PLXDC1: variants seen among roughly 807,000 people sequenced by gnomAD.
PLXDC1 encodes the protein plexin domain containing 1, also known as plexin domain-containing protein 1.
In PLXDC1, 39 loss-of-function variants were observed where a neutral mutation model predicts 61.3. The ratio of observed to expected loss-of-function variants is 0.64; its 90% CI spans 0.49 to 0.83. The LOEUF is 0.83. Ranked by LOEUF, PLXDC1 falls within the 40% of genes least tolerant of loss-of-function variation. The pLI is 0.00. For synonymous variants in PLXDC1, 212 were observed against 254.5 expected, an observed-to-expected ratio of 0.83 and a Z score of 1.59; for missense variants, 596 against 666.5, an observed-to-expected ratio of 0.89 and a Z score of 1.17.
At chr17:39,147,177 C>T (rs2045347877) in intron 1 of PLXDC1, among the ~76,000 whole-genome samples, 2 of 152,056 alleles carry the variant, frequency 1.3e-5, no homozygotes, top group Non-Finnish European at 2.9e-5. Context: ...AGGCTGGTCT[C>T]GAACTCCTGA....
chr17:39,074,027 G>T (rs1909227525), intron 11 of PLXDC1, among the ~76,000 whole-genome samples: 1 of 152,048 alleles, frequency 6.6e-6, no homozygotes, highest in Admixed American at 6.5e-5. Context: ...CTGGAGTGCT[G>T]GGTCCCTTCA....
chr17:39,083,411 C>G (rs770689400), intron 9 of PLXDC1, 48 bp downstream of exon 9: 4 of 1,482,566 alleles, frequency 2.7e-6, no homozygotes, highest in Middle Eastern at 1.8e-4. Flanking sequence ...ACCCTCTTCC[C>G]CTCCACAGTC....
chr17:39,091,000 G>A (rs1218847160), intron 7 of PLXDC1, among the ~76,000 whole-genome samples: 1 of 152,194 alleles, frequency 6.6e-6, no homozygotes, highest in East Asian at 1.9e-4. Context: ...CCGCGGTACT[G>A]TGCTGGCACT....
rs1212595509 is a variant in PLXDC1 at position 39,066,650 on chromosome 17, A to T, written c.*1190T>A. On this transcript the variant is annotated 3_prime_UTR_variant, in exon 14 of 14. Coordinates refer to ENST00000315392, the MANE Select transcript of PLXDC1 (RefSeq NM_020405.5). The stretch of plus-strand genomic sequence containing the variant: ...ACCCAGGCTGGAGTGCAGTGGCACT[A>T]TCTGAGCTCACTGCAACCTCTGCCT... 1 of 151,878 alleles carries T rather than the reference A, an allele frequency of 6.6e-6. No homozygotes were observed. The highest frequency in any genetic ancestry group is 1.5e-5 in the Non-Finnish European group (1 of 68,064). 9.4% of individuals were successfully genotyped at this position (151,878 alleles called of 1,614,324 possible). A position where few individuals can be genotyped will look rare whatever the true frequency, so the allele number is the denominator to read the frequency against.
At chr17:39,096,935 C>G (rs932964755) in intron 7 of PLXDC1, 3 of 471,214 alleles carry the variant, frequency 6.4e-6, no homozygotes, top group Non-Finnish European at 1.3e-5. Context: ...CATGACTTTT[C>G]TTTTCACCAA....
At chr17:39,108,293 G>T in intron 4 of PLXDC1, 48 bp from the exon 5 acceptor site, 1 of 1,605,974 alleles carries the variant, frequency 6.2e-7, no homozygotes, top group Non-Finnish European at 8.5e-7. Context: ...GCCCAGAGGG[G>T]CCGCTTTGGG....
At chr17:39,146,141 G>A (rs1377343937) in intron 1 of PLXDC1, among the ~76,000 whole-genome samples, 1 of 147,654 alleles carries the variant, frequency 6.8e-6, no homozygotes, top group African/African-American at 2.6e-5. Flanking sequence ...TGTGATCTCA[G>A]CTCCCTGCAA....
chr17:39,096,942 C>T (rs1379894669), intron 7 of PLXDC1: 1 of 471,196 alleles, frequency 2.1e-6, no homozygotes, highest in African/African-American at 2.0e-5. Flanking sequence ...TTTCTTTTCA[C>T]CAAAGATGCT....
chr17:39,128,881 G>C (rs899756204), intron 2 of PLXDC1, among the ~76,000 whole-genome samples: 31 of 151,670 alleles, frequency 2.0e-4, no homozygotes, highest in Non-Finnish European at 1.8e-4. Flanking sequence ...GTGGTGGCAC[G>C]CGCCTGTAGT....
In PLXDC1 at chr17:39,063,834, G is replaced by A. The variant is rs1476694575; in HGVS notation, c.*4006C>T. 4 of 285,542 alleles carry A rather than the reference G, an allele frequency of 1.4e-5. No homozygotes were observed. Among genetic ancestry groups the A allele is most frequent in the Non-Finnish European group, 2.7e-5 (4 of 149,972 alleles). The allele number at this position is 285,542 out of a possible 1,614,324, so 17.7% of individuals were successfully genotyped here. On this transcript the variant is annotated 3_prime_UTR_variant, in exon 14 of 14. Coordinates refer to ENST00000315392, the MANE Select transcript of PLXDC1 (RefSeq NM_020405.5). ...GTAGGTTTGCTTGGCCAGGGAGTCT[G>A]AGTGCAGCCCCTGATCAGTGCTTCA...
At chr17:39,129,741 G>GAAA (rs1168985590) in intron 2 of PLXDC1, among the ~76,000 whole-genome samples, 172 of 39,466 alleles carry the variant, frequency 4.4e-3, no homozygotes, top group African/African-American at 0.015. Flanking sequence ...AAGAAAGAAA[G>GAAA]GAAAGAAAAG....
At chr17:39,118,347 G>A (rs1159006040) in intron 2 of PLXDC1, among the ~76,000 whole-genome samples, 1 of 151,964 alleles carries the variant, frequency 6.6e-6, no homozygotes, top group Non-Finnish European at 1.5e-5. Context: ...GGGATTACAG[G>A]TGCATACCAC....
intron 8 of PLXDC1, among the ~76,000 whole-genome samples, chr17:39,086,760 G>T (rs1231014149): frequency 6.7e-6 from 1 of 150,224 alleles, no homozygotes; most frequent in African/African-American, 2.4e-5. Context: ...TACTTGGGAG[G>T]CTGAGGCAGG....
intron 7 of PLXDC1, among the ~76,000 whole-genome samples, chr17:39,091,602 G>A (rs1443620438): frequency 6.6e-6 from 1 of 152,128 alleles, no homozygotes; most frequent in Non-Finnish European, 1.5e-5. Context: ...GCGCAGGTGT[G>A]GGCTTTATGA....
chr17:39,093,640 C>T (rs1463725663), intron 7 of PLXDC1, among the ~76,000 whole-genome samples: 5 of 151,952 alleles, frequency 3.3e-5, no homozygotes, highest in South Asian at 4.1e-4. Flanking sequence ...CGCTGGAACC[C>T]GGGAGGCAGA....
At chr17:39,096,828 G>C in intron 7 of PLXDC1, 9 of 447,940 alleles carry the variant, frequency 2.0e-5, no homozygotes, top group South Asian at 1.4e-4. Flanking sequence ...ATGAACAGAG[G>C]AAATAATATT....
At chr17:39,110,524 C>T (rs1303495403) in intron 2 of PLXDC1, among the ~76,000 whole-genome samples, 1 of 152,226 alleles carries the variant, frequency 6.6e-6, no homozygotes, top group Non-Finnish European at 1.5e-5. Flanking sequence ...GAAGCCCTTC[C>T]TGGAGCCGAC....
intron 2 of PLXDC1, among the ~76,000 whole-genome samples, chr17:39,130,158 GA>G (rs1160422500): frequency 6.6e-6 from 1 of 152,008 alleles, no homozygotes; most frequent in Non-Finnish European, 1.5e-5. Context: ...TTTGGGTAAT[GA>G]AAATGTTTTG....
chr17:39,090,053 A>AC (rs1027852993), intron 7 of PLXDC1, among the ~76,000 whole-genome samples: 1 of 151,696 alleles, frequency 6.6e-6, no homozygotes, highest in Non-Finnish European at 1.5e-5. Context: ...CCTGCCTGAG[A>AC]CCCCCAAAAT....
Sources: allele counts gnomAD v4.1 joint callset (sites outside exome capture counted in the v4.1 genomes callset), GRCh38; gene constraint gnomAD v4.1.1; transcripts MANE v1.5; gene names NCBI Gene and HGNC (gene_info 2026-07-23, HGNC 2026-07-21).